Variants in STIM2 observed in about 807,000 individuals in gnomAD.
The protein encoded by STIM2 is stromal interaction molecule 2.
In STIM2, 31 loss-of-function variants were observed where a neutral mutation model predicts 85.8. The ratio of observed to expected loss-of-function variants is 0.36; its 90% CI spans 0.27 to 0.49. The LOEUF is 0.49. Ranked by LOEUF, STIM2 falls within the 20% of genes least tolerant of loss-of-function variation. STIM2 has a pLI of 0.98. For missense variants in STIM2, 841 were observed against 927.6 expected, an observed-to-expected ratio of 0.91 and a Z score of 1.21; for synonymous variants, 356 against 331.1, an observed-to-expected ratio of 1.08 and a Z score of -0.82.
At chr4:26,929,526 A>G (rs947377919) in intron 2 of STIM2, among the ~76,000 whole-genome samples, 1 of 152,160 alleles carries the variant, frequency 6.6e-6, no homozygotes, top group Non-Finnish European at 1.5e-5. Flanking sequence ...CCCAAATTTT[A>G]AAGTACTTAA....
At chr4:26,943,378 A>G (rs539469626) in intron 2 of STIM2, among the ~76,000 whole-genome samples, 1 of 152,260 alleles carries the variant, frequency 6.6e-6, no homozygotes, top group Admixed American at 6.5e-5. Flanking sequence ...GTTTAGTATC[A>G]TGAACTCATG....
In STIM2 at chr4:26,934,223, T is replaced by C. The variant is rs529407727; in HGVS notation, c.282+14589T>C. Among the ~76,000 whole-genome samples, 5 of 151,842 alleles carry C rather than the reference T, an allele frequency of 3.3e-5. No homozygotes were observed. In the South Asian group the frequency reaches 1.0e-3, roughly 32 times the overall value. ...AGAAAAAAAAATACCCACAAAAATA[T>C]AGATTAAAAAAATGAGATAAAATTA... On this transcript the variant is annotated intron_variant, in intron 2 of 11. Coordinates refer to ENST00000467087, the MANE Select transcript of STIM2 (RefSeq NM_020860.4).
At chr4:27,014,542 T>A (rs1175608070) in intron 10 of STIM2, among the ~76,000 whole-genome samples, 1 of 151,890 alleles carries the variant, frequency 6.6e-6, no homozygotes, top group African/African-American at 2.4e-5. Context: ...TGTGCGTGAT[T>A]AGAGAATAGG....
At chr4:26,885,819 GGTT>G in intron 1 of STIM2, among the ~76,000 whole-genome samples, 1 of 56,526 alleles carries the variant, frequency 1.8e-5, no homozygotes, top group African/African-American at 5.3e-5. Flanking sequence ...TAGCACCTCA[GGTT>G]ATATATATAT....
At chr4:26,955,059 T>C (rs1438827102) in intron 2 of STIM2, among the ~76,000 whole-genome samples, 1 of 146,848 alleles carries the variant, frequency 6.8e-6, no homozygotes, top group African/African-American at 2.6e-5. Flanking sequence ...GAAATAAAAT[T>C]TCTTAGAAAT....
chr4:26,884,870 A>G (rs1225430570), intron 1 of STIM2, among the ~76,000 whole-genome samples: 1 of 152,244 alleles, frequency 6.6e-6, no homozygotes, highest in Admixed American at 6.5e-5. Flanking sequence ...ACACGAGTTC[A>G]CAGAACTGGC....
In STIM2 at chr4:26,922,588, A is replaced by G. The variant is rs1188066870; in HGVS notation, c.282+2954A>G. Among the ~76,000 whole-genome samples the G allele has an allele frequency of 2.6e-5, 4 of 152,148 alleles. No individual in the cohort carries two copies. The South Asian group carries it at 6.2e-4, about 24-fold the overall frequency. On this transcript the variant is annotated intron_variant, in intron 2 of 11. Coordinates refer to ENST00000467087, the MANE Select transcript of STIM2 (RefSeq NM_020860.4). ...TGGGGGCGGTGTGCTCAGAGCTTCC[A>G]TGTCTTCTTCATTCCACCCTCCCAG...
chr4:26,927,921 T>C (rs1325306662), intron 2 of STIM2, among the ~76,000 whole-genome samples: 2 of 149,764 alleles, frequency 1.3e-5, no homozygotes, highest in African/African-American at 4.9e-5. Flanking sequence ...CTTAGTCTGG[T>C]GCTGCTATAG....
chr4:26,967,991 G>A (rs1726792752), intron 3 of STIM2, among the ~76,000 whole-genome samples: 1 of 152,092 alleles, frequency 6.6e-6, no homozygotes. Flanking sequence ...CCAACAAAGT[G>A]AGACTCCATC....
chr4:27,017,955 G>A lies in STIM2; in HGVS notation c.1734G>A (p.Glu578=), dbSNP rs565479467. The change falls in exon 11 of 12, where the codon GAG becomes GAA. Residue 578 remains glutamate, a synonymous_variant. Coordinates refer to ENST00000467087, the MANE Select transcript of STIM2 (RefSeq NM_020860.4). The stretch of plus-strand genomic sequence containing the variant: ...TTTATCGAAATGAAGAGGAGGAAGA[G>A]GCCATTTACTTCTCTGCTGAAAAGC... 2.5e-5 allele frequency: 40 copies of A among 1,614,154 alleles called. 1 individual carries two copies. The East Asian group carries it at 7.4e-4, about 30-fold the overall frequency.
rs142638036 is a variant in STIM2 at position 26,976,589 on chromosome 4, C to G, written c.398-18790C>G. Among the ~76,000 whole-genome samples the G allele has an allele frequency of 5.7e-3, 867 of 152,082 alleles. 8 individuals are homozygous for G. The highest frequency in any genetic ancestry group is 0.019 in the African/African-American group (800 of 41,488). On this transcript the variant is annotated intron_variant, in intron 3 of 11. Transcript: ENST00000467087. ...TTGGGAGGTCTAGGCAGGTGGATCA[C>G]TTGAGGTCAGGAGTTTGAGACCAGC...
Position 26,995,435 on chromosome 4 carries a change from C to T in STIM2, c.454C>T (p.Pro152Ser). ...GTGGTTGATAGAGTTTGTTGAACTACCCCAATATGAGAAGAATTTTAGAGA... is the reference window on the plus strand; with the variant it reads ...GTGGTTGATAGAGTTTGTTGAACTATCCCAATATGAGAAGAATTTTAGAGA... The change falls in exon 4 of 12, where the codon CCC becomes TCC. Residue 152 changes from proline (P) to serine (S), a missense_variant. By Grantham distance (74) the Pro-to-Ser change is moderately conservative. Transcript: ENST00000467087. 1 of 1,603,512 alleles carries T rather than the reference C, an allele frequency of 6.2e-7. No individual in the cohort carries two copies. The highest frequency in any genetic ancestry group is 8.5e-7 in the Non-Finnish European group (1 of 1,175,184).
rs1553844659 is a variant in STIM2 at position 26,882,456 on chromosome 4, T to TC, written c.151+21087_151+21088insC. 7.5e-5 allele frequency among the ~76,000 whole-genome samples: 11 copies of TC among 147,124 alleles called. No homozygotes were observed. In the East Asian group the frequency reaches 1.0e-3, roughly 14 times the overall value. ...TCTTAAATTTCTTTCTTTCTTTCTT[T>TC]TTTTTTGTTTTTGTTTTTTGAGACA... On this transcript the variant is annotated intron_variant, in intron 1 of 11. Transcript: ENST00000467087.
At chr4:26,879,033 G>T (rs1722909436) in intron 1 of STIM2, among the ~76,000 whole-genome samples, 1 of 152,100 alleles carries the variant, frequency 6.6e-6, no homozygotes, top group Non-Finnish European at 1.5e-5. Flanking sequence ...TCTAACTTTT[G>T]ACGTTATTTT....
At chr4:26,884,028 T>C (rs1476415254) in intron 1 of STIM2, among the ~76,000 whole-genome samples, 1 of 152,212 alleles carries the variant, frequency 6.6e-6, no homozygotes, top group Non-Finnish European at 1.5e-5. Context: ...GGAAGTTATC[T>C]CAAATGGGAC....
At chr4:27,009,913 T>G (rs1728502449) in intron 10 of STIM2, among the ~76,000 whole-genome samples, 1 of 152,248 alleles carries the variant, frequency 6.6e-6, no homozygotes, top group African/African-American at 2.4e-5. Context: ...AAAATCCGTG[T>G]TTAATATCTG....
intron 1 of STIM2, among the ~76,000 whole-genome samples, chr4:26,912,023 A>G (rs1247904786): frequency 6.6e-6 from 1 of 152,214 alleles, no homozygotes; most frequent in Non-Finnish European, 1.5e-5. Context: ...GGTCTTTGAT[A>G]TATTGAAAAA....
At chr4:26,911,275 TAAAAA>T (rs546631682) in intron 1 of STIM2, among the ~76,000 whole-genome samples, 4 of 151,538 alleles carry the variant, frequency 2.6e-5, no homozygotes. Context: ...TGAAATAAAA[TAAAAA>T]AAATGAAATA....
At chr4:27,013,312 G>T (rs1045730357) in intron 10 of STIM2, among the ~76,000 whole-genome samples, 2 of 151,794 alleles carry the variant, frequency 1.3e-5, no homozygotes, top group African/African-American at 2.4e-5. Flanking sequence ...TATTATAATT[G>T]TTCTTTTTTA....
Sources: allele counts gnomAD v4.1 joint callset (sites outside exome capture counted in the v4.1 genomes callset), GRCh38; gene constraint gnomAD v4.1.1; transcripts MANE v1.5; gene names NCBI Gene and HGNC (gene_info 2026-07-23, HGNC 2026-07-21).